INPP5F: variants seen among roughly 807,000 people sequenced by gnomAD.
The protein encoded by INPP5F is inositol polyphosphate-5-phosphatase F, also known as phosphatidylinositide 4-phosphatase SAC2.
Under a neutral mutation model 137.2 loss-of-function variants are expected in INPP5F, and 97 were observed. That is an observed-to-expected ratio of 0.71 (90% CI 0.60 to 0.84). The LOEUF is 0.84. Ranked by LOEUF, INPP5F falls within the 40% of genes least tolerant of loss-of-function variation. INPP5F has a pLI of 0.00. For synonymous variants in INPP5F, 504 were observed against 476.9 expected (o/e 1.06, Z -0.74); for missense variants, 1,271 against 1,371.9 (o/e 0.93, Z 1.16).
At chr10:119,781,810 T>A (rs1849718767) in intron 3 of INPP5F, 39 bp downstream of exon 3, 2 of 1,500,698 alleles carry the variant, frequency 1.3e-6, no homozygotes, top group African/African-American at 2.8e-5. Flanking sequence ...AAACCTGATA[T>A]AAATGTAATA....
chr10:119,743,233 CT>C (rs1190401278), intron 1 of INPP5F, among the ~76,000 whole-genome samples: 1 of 152,172 alleles, frequency 6.6e-6, no homozygotes, highest in East Asian at 1.9e-4. Context: ...CAGCGTGATT[CT>C]GTGCAAATGA....
chr10:119,783,967 C>A (rs1049443327), intron 3 of INPP5F, among the ~76,000 whole-genome samples: 4 of 152,064 alleles, frequency 2.6e-5, no homozygotes, highest in Admixed American at 2.6e-4. Context: ...GTACACCTTT[C>A]TCTCAAGAGA....
chr10:119,762,526 A>T (rs182042196), intron 2 of INPP5F, among the ~76,000 whole-genome samples: 1 of 152,156 alleles, frequency 6.6e-6, no homozygotes, highest in Non-Finnish European at 1.5e-5. Context: ...GGTCCTCCCT[A>T]TCTGTAGGTT....
At chr10:119,806,263 C>A in intron 11 of INPP5F, 97 bp from the exon 12 acceptor site, 1 of 786,254 alleles carries the variant, frequency 1.3e-6, no homozygotes, top group Non-Finnish European at 1.9e-6. Flanking sequence ...AAATTACAGC[C>A]AGTGCTGCTG....
At chr10:119,774,449 C>T (rs928941922) in intron 2 of INPP5F, among the ~76,000 whole-genome samples, 1 of 151,538 alleles carries the variant, frequency 6.6e-6, no homozygotes, top group African/African-American at 2.4e-5. Context: ...TGGTGCTTTT[C>T]ATGTAGATAT....
At chr10:119,809,151 C>G (rs1478572201) in intron 13 of INPP5F, among the ~76,000 whole-genome samples, 1 of 144,498 alleles carries the variant, frequency 6.9e-6, no homozygotes, top group Admixed American at 7.3e-5. Flanking sequence ...CACTTGAACC[C>G]GGGAGGCAGA....
chr10:119,773,986 C>T (rs555548687), intron 2 of INPP5F, among the ~76,000 whole-genome samples: 32 of 152,134 alleles, frequency 2.1e-4, no homozygotes, highest in South Asian at 4.2e-4. Flanking sequence ...ATTTCCTGGC[C>T]GGGCTCAGTG....
chr10:119,734,163 G>A (rs1671960516), intron 1 of INPP5F, among the ~76,000 whole-genome samples: 1 of 152,158 alleles, frequency 6.6e-6, no homozygotes, highest in Non-Finnish European at 1.5e-5. Flanking sequence ...AAATAAATGG[G>A]ACCCATAGAC....
intron 3 of INPP5F, among the ~76,000 whole-genome samples, chr10:119,785,535 C>CGAGAGAGA (rs59804262): frequency 0.14 from 13,295 of 93,418 alleles, 1,744 homozygotes; most frequent in Non-Finnish European, 0.18. Flanking sequence ...GTGATCCGCT[C>CGAGAGAGA]GAGAGAGAGA....
chr10:119,759,856 G>T (rs911539840), intron 2 of INPP5F, among the ~76,000 whole-genome samples: 2 of 152,038 alleles, frequency 1.3e-5, no homozygotes, highest in Non-Finnish European at 2.9e-5. Flanking sequence ...TCTCTCCTCA[G>T]GTACCTAGAT....
intron 16 of INPP5F, among the ~76,000 whole-genome samples, chr10:119,821,793 G>A (rs577176031): frequency 3.4e-5 from 5 of 149,152 alleles, no homozygotes; most frequent in East Asian, 4.0e-4. Flanking sequence ...TGCCTTGTAA[G>A]TTAGGTTTTA....
chr10:119,822,970 C>T lies in INPP5F; in HGVS notation c.2033-101C>T, dbSNP rs533723299. ...CAGAAGTTTGTATTTTGTGTGCTGT[C>T]ATTTATATTATGAAGAAAAATGTGT... On this transcript the variant is annotated intron_variant, in intron 17 of 19. Transcript: ENST00000650623. 2.5e-6 allele frequency: 3 copies of T among 1,185,858 alleles called. No individual in the cohort carries two copies. In the East Asian group the frequency reaches 7.3e-5, roughly 29 times the overall value. 73.5% of individuals were successfully genotyped at this position (1,185,858 alleles called of 1,614,324 possible).
intron 15 of INPP5F, among the ~76,000 whole-genome samples, chr10:119,817,631 CTG>C (rs1851328808): frequency 6.6e-6 from 1 of 151,618 alleles, no homozygotes; most frequent in Non-Finnish European, 1.5e-5. Flanking sequence ...TTGGCTATTT[CTG>C]TGTCTTAGTT....
intron 1 of INPP5F, among the ~76,000 whole-genome samples, chr10:119,747,900 G>GA (rs1758656697): frequency 6.6e-6 from 1 of 152,226 alleles, no homozygotes; most frequent in African/African-American, 2.4e-5. Flanking sequence ...AGAAATGTTA[G>GA]AAAAAATTAC....
chr10:119,768,941 A>C (rs1402475339), intron 2 of INPP5F, among the ~76,000 whole-genome samples: 2 of 152,222 alleles, frequency 1.3e-5, no homozygotes, highest in Non-Finnish European at 2.9e-5. Context: ...TAAAAGGACT[A>C]GTGCCAAGAA....
At chr10:119,800,562 A>C (rs564104858) in intron 9 of INPP5F, among the ~76,000 whole-genome samples, 5 of 151,856 alleles carry the variant, frequency 3.3e-5, no homozygotes, top group South Asian at 4.2e-4. Context: ...TCTCAAAAAA[A>C]AAAAACAAAA....
chr10:119,816,795 A>T (rs1018291824), intron 15 of INPP5F, among the ~76,000 whole-genome samples: 1 of 152,214 alleles, frequency 6.6e-6, no homozygotes, highest in Non-Finnish European at 1.5e-5. Context: ...TGCCTGCCTG[A>T]ACCATCCACT....
chr10:119,736,344 A>G (rs532173515), intron 1 of INPP5F, among the ~76,000 whole-genome samples: 6 of 152,244 alleles, frequency 3.9e-5, no homozygotes, highest in African/African-American at 1.4e-4. Context: ...TATTTTTTAA[A>G]TAATAGAGAT....
intron 15 of INPP5F, among the ~76,000 whole-genome samples, chr10:119,820,594 C>G (rs1851517443): frequency 6.6e-6 from 1 of 152,206 alleles, no homozygotes; most frequent in African/African-American, 2.4e-5. Flanking sequence ...CTGAGGGACT[C>G]CTTCCTCCTT....
Sources: allele counts gnomAD v4.1 joint callset (sites outside exome capture counted in the v4.1 genomes callset), GRCh38; gene constraint gnomAD v4.1.1; transcripts MANE v1.5; gene names NCBI Gene and HGNC (gene_info 2026-07-23, HGNC 2026-07-21).